Variants in NAGPA observed in about 807,000 individuals in gnomAD.
The protein encoded by NAGPA is N-acetylglucosamine-1-phosphodiester alpha-N-acetylglucosaminidase.
A neutral mutation model predicts 48.5 loss-of-function variants in NAGPA; 56 were observed. The ratio of observed to expected loss-of-function variants is 1.15; its 90% CI spans 0.93 to 1.44. The LOEUF is 1.44. Among genes scored for constraint, NAGPA ranks in the 40% most tolerant of loss-of-function variants. The probability of loss-of-function intolerance (pLI) is 0.00; values close to 1 mark genes in which losing one functional copy is unlikely to be tolerated. For missense variants in NAGPA, 888 were observed against 735.0 expected (o/e 1.21, Z -2.41); for synonymous variants, 399 against 315.5 (o/e 1.26, Z -2.81).
intron 9 of NAGPA, 126 bp downstream of exon 9, chr16:5,027,009 G>A: frequency 8.4e-7 from 1 of 1,197,158 alleles, no homozygotes; most frequent in Non-Finnish European, 1.2e-6. Context: ...GGGAGAGCTG[G>A]TCCCGCTTCC....
At position 5,028,719 on chromosome 16, in the gene NAGPA, G is replaced by A. The variant is rs114715111; in HGVS notation, c.920+161C>T. On this transcript the variant is annotated intron_variant, in intron 5 of 9. Transcript: ENST00000312251. ...GCTGACCAACTGACCCTGCTCCTAG[G>A]CCTGGGTAGTACTGGCATCCTGGGG... 1.5e-3 allele frequency: 1,593 copies of A among 1,097,488 alleles called. 16 individuals carry two copies. In the African/African-American group the frequency reaches 0.021, roughly 15 times the overall value. 68.0% of individuals were successfully genotyped at this position (1,097,488 alleles called of 1,614,324 possible). A position where few individuals can be genotyped will look rare whatever the true frequency, so the allele number is the denominator to read the frequency against.
chr16:5,031,681 G>C, intron 3 of NAGPA, 64 bp downstream of exon 3: 2 of 1,607,198 alleles, frequency 1.2e-6, no homozygotes, highest in Non-Finnish European at 1.7e-6. Context: ...CTTAAGAACA[G>C]CTCCGCCCAG....
In NAGPA at chr16:5,030,345, A is replaced by G. The variant is rs1025227856; in HGVS notation, c.791+40T>C. ...TTGGGTCAACGTTCCTCCTAGCAGG[A>G]CTGAGCCCCGGCCGGGGGGCCTCAG... On this transcript the variant is annotated intron_variant, in intron 4 of 9. Transcript: ENST00000312251. The G allele has an allele frequency of 1.5e-5, 23 of 1,524,840 alleles. No homozygotes were observed. In the African/African-American group the frequency reaches 1.7e-4, roughly 11 times the overall value. 94.5% of individuals were successfully genotyped at this position (1,524,840 alleles called of 1,614,324 possible).
Position 5,027,844 on chromosome 16 carries a change from A to T in NAGPA, c.1174+2T>A. 1 of 1,557,802 alleles carries T rather than the reference A, an allele frequency of 6.4e-7. No homozygotes were observed. The highest frequency in any genetic ancestry group is 8.7e-7 in the Non-Finnish European group (1 of 1,150,758). On this transcript the variant is annotated splice_donor_variant, in intron 7 of 9. Coordinates refer to ENST00000312251, the MANE Select transcript of NAGPA (RefSeq NM_016256.4). LOFTEE classifies it high-confidence loss of function. ...ATCCGCTAGTGGCGTGGCAGCTCCT[A>T]CCTTCACTGCAGTTGGACCCGGTCC...
At chr16:5,030,658 G>T (rs1956082028) in intron 3 of NAGPA, 165 bp from the exon 4 acceptor site, 1 of 685,542 alleles carries the variant, frequency 1.5e-6, no homozygotes, top group Non-Finnish European at 2.6e-6. Flanking sequence ...GTCTCCCCAG[G>T]GCAGCCGGGG....
intron 5 of NAGPA, 27 bp from the exon 6 acceptor site, chr16:5,028,212 G>A: frequency 1.9e-6 from 3 of 1,551,642 alleles, no homozygotes; most frequent in South Asian, 1.2e-5. Flanking sequence ...TGTGTGAGGA[G>A]AGGACACCCC....
chr16:5,025,516 C>G lies in NAGPA; in HGVS notation c.1510G>C (p.Glu504Gln), dbSNP rs1456025675. ...MNGEPLAAEKEQPGGAHNPFK... is the reference protein window; with the variant it reads ...MNGEPLAAEKQQPGGAHNPFK... ...GGGTTGTGGGCGCCCCCTGGCTGCTCCTTCTCTGCGGCCAGAGGCTCCCCG... is the reference window on the plus strand; with the variant it reads ...GGGTTGTGGGCGCCCCCTGGCTGCTGCTTCTCTGCGGCCAGAGGCTCCCCG... Residue 504 changes from glutamate (E) to glutamine (Q), a missense_variant, in exon 10 of 10, where the codon GAG (glutamate) becomes CAG (glutamine). By Grantham distance (29) the Glu-to-Gln change is conservative. Coordinates refer to ENST00000312251, the MANE Select transcript of NAGPA (RefSeq NM_016256.4). 1.2e-6 allele frequency: 2 copies of G among 1,612,816 alleles called. No homozygotes were observed. Among genetic ancestry groups the G allele is most frequent in the Non-Finnish European group, 1.7e-6 (2 of 1,179,992 alleles).
In NAGPA at chr16:5,033,663, C is replaced by T; in HGVS notation, c.152G>A (p.Cys51Tyr). The change falls in exon 2 of 10, where the codon TGC becomes TAC. Residue 51 changes from cysteine (C) to tyrosine (Y), a missense_variant. By Grantham distance (194) the Cys-to-Tyr change is radical. Transcript: ENST00000312251. The surrounding 1 kb of genome is among the most constrained non-coding windows in gnomAD (Gnocchi z 4.2). ...GCGGTTGCCGGCGCGCACCCGTGTG[C>T]AGTCCCGGGGGAGGCGCGCGCGCGC... is the stretch of plus-strand genomic sequence containing the variant. ...PRARARLPRD[C>Y]TRVRAGNREH... 6.3e-7 allele frequency: 1 copy of T among 1,586,660 alleles called. No homozygotes were observed. Among genetic ancestry groups the T allele is most frequent in the Non-Finnish European group, 8.5e-7 (1 of 1,171,712 alleles).
intron 7 of NAGPA, 74 bp downstream of exon 7, chr16:5,027,772 G>T: frequency 6.5e-7 from 1 of 1,539,952 alleles, no homozygotes. Context: ...GGTGGAGACA[G>T]AAGCAGCAGA....
intron 5 of NAGPA, 23 bp downstream of exon 5, chr16:5,028,857 G>A (rs751072360): frequency 2.5e-5 from 41 of 1,613,630 alleles, no homozygotes; most frequent in Middle Eastern, 3.3e-4. Flanking sequence ...CAGCCCTCAC[G>A]AAGGCGGCTC....
At chr16:5,031,464 T>C in intron 3 of NAGPA, 2 of 433,172 alleles carry the variant, frequency 4.6e-6, no homozygotes, top group Non-Finnish European at 8.6e-6. Flanking sequence ...TTCACTTTTC[T>C]CTTCCTGTAC....
At position 5,027,147 on chromosome 16, in the gene NAGPA, G is replaced by T. The variant is rs377590925; in HGVS notation, c.1328C>A (p.Ser443Tyr). ...CAGAAGCACCTACCTGGTGAAAAAG[G>T]AGAGTTCTCCCGCCCTCAGGGTGGC... Reference protein sequence around the residue: ...PEATLRAGELSFFTRTAWLAL... With the variant: ...PEATLRAGELYFFTRTAWLAL... Residue 443 changes from serine (S) to tyrosine (Y), a missense_variant, in exon 9 of 10, where the codon TCC (serine) becomes TAC (tyrosine). Ser to Tyr is a moderately radical substitution (Grantham distance 144). Transcript: ENST00000312251. 1 of 1,614,084 alleles carries T rather than the reference G, an allele frequency of 6.2e-7. No individual in the cohort carries two copies. Among genetic ancestry groups the T allele is most frequent in the Non-Finnish European group, 8.5e-7 (1 of 1,180,054 alleles).
rs1467563957 is a variant in NAGPA, at chr16:5,030,103, T to G, written c.791+282A>C. 6 of 544,980 alleles carry G rather than the reference T, an allele frequency of 1.1e-5. No individual in the cohort carries two copies. The East Asian group carries it at 1.9e-4, about 18-fold the overall frequency. 33.8% of individuals were successfully genotyped at this position (544,980 alleles called of 1,614,324 possible). ...AAGTCATCGATGGCTAAGCTGGGAT[T>G]GGAACCAAGATCTTCTCCCTGCTCA... is the stretch of plus-strand genomic sequence containing the variant. On this transcript the variant is annotated intron_variant, in intron 4 of 9. Transcript: ENST00000312251.
Position 5,028,113 on chromosome 16 carries a change from C to T in NAGPA, c.993G>A (p.Pro331=), listed in dbSNP as rs368896775. The change falls in exon 6 of 10, where the codon CCG becomes CCA. Residue 331 remains proline, a synonymous_variant. Transcript: ENST00000312251. ...AGGTCCCGTGGCCGTGGCAGTCAGGCGGCTGGCAGCGGGGTTCGTGCACAC... is the reference window on the plus strand; with the variant it reads ...AGGTCCCGTGGCCGTGGCAGTCAGGTGGCTGGCAGCGGGGTTCGTGCACAC... ...VVCVHEPRCQ[P]PDCHGHGTCV... 2.3e-5 allele frequency: 37 copies of T among 1,608,316 alleles called. No homozygotes were observed. The highest frequency in any genetic ancestry group is 3.3e-4 in the Middle Eastern group (2 of 6,054).
intron 6 of NAGPA, 38 bp downstream of exon 6, chr16:5,027,942 G>A (rs1166045078): frequency 6.2e-7 from 1 of 1,613,656 alleles, no homozygotes; most frequent in Non-Finnish European, 8.5e-7. Flanking sequence ...GGGCAAGGCA[G>A]GGCTGGGCAG....
At chr16:5,028,578 C>T in intron 5 of NAGPA, 1 of 552,368 alleles carries the variant, frequency 1.8e-6, no homozygotes, top group Admixed American at 2.8e-5. Flanking sequence ...ACAATCCCTC[C>T]CAGCCCTGGG....
chr16:5,032,437 CT>C (rs1203848988), intron 2 of NAGPA, among the ~76,000 whole-genome samples: 1 of 152,030 alleles, frequency 6.6e-6, no homozygotes, highest in Non-Finnish European at 1.5e-5. Flanking sequence ...GGGTGGATCA[CT>C]TGAGGTCAGG....
chr16:5,027,066 C>A (rs1267015653), intron 9 of NAGPA, 69 bp downstream of exon 9: 29 of 1,578,762 alleles, frequency 1.8e-5, no homozygotes, highest in Non-Finnish European at 2.5e-5. Flanking sequence ...ATGGACCTCA[C>A]AGGGGAAGGG....
Position 5,033,288 on chromosome 16 carries a change from C to A in NAGPA, c.527G>T (p.Gly176Val). The A allele has an allele frequency of 6.3e-7, 1 of 1,595,000 alleles. No individual in the cohort carries two copies. Among genetic ancestry groups the A allele is most frequent in the Non-Finnish European group, 8.5e-7 (1 of 1,178,644 alleles). ...QNAQFGIRRD[G>V]TLVTGYLSEE... ...GCCTCCTCACCCGGTGACCAGGGTC[C>A]CGTCGCGGCGGATCCCGAACTGCGC... is the stretch of plus-strand genomic sequence containing the variant. The change falls in exon 2 of 10, where the codon GGG (glycine) becomes GTG (valine). Residue 176 changes from glycine to valine, a missense_variant. By Grantham distance (109) the Gly-to-Val change is moderately radical. Coordinates refer to ENST00000312251, the MANE Select transcript of NAGPA (RefSeq NM_016256.4). This position sits in a 1 kb window ranked among gnomAD's most constrained non-coding sequence, Gnocchi z 4.2.
Sources: allele counts gnomAD v4.1 joint callset (sites outside exome capture counted in the v4.1 genomes callset), GRCh38; gene constraint gnomAD v4.1.1; non-coding constraint Gnocchi (gnomAD v3.1); transcripts MANE v1.5; gene names NCBI Gene and HGNC (gene_info 2026-07-23, HGNC 2026-07-21).